ROR2: variants seen among roughly 807,000 people sequenced by gnomAD.
ROR2 encodes tyrosine-protein kinase transmembrane receptor ROR2.
In ROR2, 33 loss-of-function variants were observed where a neutral mutation model predicts 74.9. That is an observed-to-expected ratio of 0.44 (90% CI 0.33 to 0.59). The LOEUF (loss-of-function observed/expected upper bound fraction) is 0.59, where lower values mean the gene tolerates loss of function less well. Among genes scored for constraint, ROR2 ranks in the 20% least tolerant of loss-of-function variants. The pLI is 0.02. For missense variants in ROR2, 1,216 were observed against 1,313.8 expected, an observed-to-expected ratio of 0.93 and a Z score of 1.15; for synonymous variants, 586 against 558.7, an observed-to-expected ratio of 1.05 and a Z score of -0.69.
chr9:91,813,658 G>A (rs1160110983), intron 1 of ROR2, among the ~76,000 whole-genome samples: 1 of 152,204 alleles, frequency 6.6e-6, no homozygotes, highest in Non-Finnish European at 1.5e-5. Flanking sequence ...ACCCAGAGCA[G>A]CTTCTGGAAG....
intron 1 of ROR2, among the ~76,000 whole-genome samples, chr9:91,867,660 G>C (rs973130338): frequency 6.3e-4 from 71 of 113,010 alleles, no homozygotes; most frequent in African/African-American, 9.3e-4. Flanking sequence ...CATGAGCTGT[G>C]TGTGTGTGTG....
chr9:91,756,331 CCTT>C (rs2118840797), intron 3 of ROR2, among the ~76,000 whole-genome samples: 1 of 152,308 alleles, frequency 6.6e-6, no homozygotes, highest in East Asian at 1.9e-4. Context: ...TTTTTGCTGT[CCTT>C]ACTCTCTCTC....
chr9:91,874,677 C>A (rs1284658545), intron 1 of ROR2, among the ~76,000 whole-genome samples: 1 of 152,166 alleles, frequency 6.6e-6, no homozygotes, highest in Non-Finnish European at 1.5e-5. Flanking sequence ...GTGGCTCACA[C>A]CTGCAATCCC....
intron 1 of ROR2, among the ~76,000 whole-genome samples, chr9:91,788,779 G>A (rs186697230): frequency 6.6e-5 from 10 of 151,250 alleles, no homozygotes; most frequent in East Asian, 2.0e-4. Flanking sequence ...GTGGAGAATC[G>A]CTTGAACCTG....
intron 4 of ROR2, among the ~76,000 whole-genome samples, chr9:91,750,152 T>C (rs1310604327): frequency 6.6e-6 from 1 of 152,350 alleles, no homozygotes; most frequent in East Asian, 1.9e-4. Context: ...TCCACCCGCC[T>C]TGGCCTCCCA....
Position 91,819,787 on chromosome 9 carries a change from T to C in ROR2, c.98-43969A>G, listed in dbSNP as rs540302558. ...TGTCTCAGTGTTCTGTGTGTATGTC[T>C]GTGTCTTTGTTCTGTGTGTGCCTGT... On this transcript the variant is annotated intron_variant, in intron 1 of 8. Coordinates refer to ENST00000375708, the MANE Select transcript of ROR2 (RefSeq NM_004560.4). 4.2e-4 allele frequency among the ~76,000 whole-genome samples: 64 copies of C among 151,082 alleles called. 2 individuals carry two copies. Among genetic ancestry groups the C allele is most frequent in the African/African-American group, 1.2e-3 (50 of 41,094 alleles).
At chr9:91,916,875 C>A (rs1054109719) in intron 1 of ROR2, among the ~76,000 whole-genome samples, 1 of 152,154 alleles carries the variant, frequency 6.6e-6, no homozygotes, top group South Asian at 2.1e-4. Flanking sequence ...TAGAAAGATT[C>A]TCTCAAGAGC....
intron 1 of ROR2, among the ~76,000 whole-genome samples, chr9:91,828,488 T>C (rs12376539): frequency 0.39 from 58,894 of 152,062 alleles, 12,934 homozygotes; most frequent in African/African-American, 0.58. Flanking sequence ...CCGAAGTGGG[T>C]GGATTACTCG....
intron 1 of ROR2, among the ~76,000 whole-genome samples, chr9:91,782,849 G>A (rs1826670189): frequency 6.6e-6 from 1 of 152,212 alleles, no homozygotes; most frequent in Non-Finnish European, 1.5e-5. Flanking sequence ...TCAAACAGGG[G>A]TAAATGTCTG....
At chr9:91,811,354 G>A (rs569807323) in intron 1 of ROR2, among the ~76,000 whole-genome samples, 5 of 152,244 alleles carry the variant, frequency 3.3e-5, no homozygotes, top group South Asian at 2.1e-4. Flanking sequence ...CATTCGGCCC[G>A]TGTGGAAAGC....
chr9:91,813,147 G>A (rs184794959), intron 1 of ROR2, among the ~76,000 whole-genome samples: 3 of 152,204 alleles, frequency 2.0e-5, no homozygotes, highest in Non-Finnish European at 4.4e-5. Context: ...TCTGGCAGGT[G>A]CTGCCCCCTC....
chr9:91,786,326 A>G (rs1188042117), intron 1 of ROR2, among the ~76,000 whole-genome samples: 1 of 90,692 alleles, frequency 1.1e-5, no homozygotes, highest in Non-Finnish European at 2.0e-5. Context: ...GACTCTGTCA[A>G]TCAATCAATC....
intron 4 of ROR2, among the ~76,000 whole-genome samples, chr9:91,748,228 CTG>C (rs1452618212): frequency 6.6e-6 from 1 of 151,858 alleles, no homozygotes; most frequent in Non-Finnish European, 1.5e-5. Context: ...TGAGCCAAGA[CTG>C]TGCACTGCTG....
intron 1 of ROR2, among the ~76,000 whole-genome samples, chr9:91,794,656 G>C (rs1216648053): frequency 6.6e-6 from 1 of 151,652 alleles, no homozygotes; most frequent in Non-Finnish European, 1.5e-5. Flanking sequence ...GCGTGATCTT[G>C]GCTCACTGCA....
chr9:91,937,408 C>T (rs147570507), intron 1 of ROR2, among the ~76,000 whole-genome samples: 1 of 152,248 alleles, frequency 6.6e-6, no homozygotes, highest in African/African-American at 2.4e-5. Context: ...ACTCCCATTT[C>T]TCTAACAGCT....
At chr9:91,761,324 T>G (rs1416425273) in intron 2 of ROR2, among the ~76,000 whole-genome samples, 1 of 152,168 alleles carries the variant, frequency 6.6e-6, no homozygotes, top group Non-Finnish European at 1.5e-5. Context: ...AGCATTACAT[T>G]TATTGTGCAC....
At position 91,757,503 on chromosome 9, in the gene ROR2, T is replaced by C; in HGVS notation, c.232A>G (p.Thr78Ala). Residue 78 changes from threonine (T) to alanine (A), a missense_variant, in exon 3 of 9, where the codon ACG (threonine) becomes GCG (alanine). Physicochemically the swap from Thr to Ala is moderately conservative, Grantham distance 58. Coordinates refer to ENST00000375708, the MANE Select transcript of ROR2 (RefSeq NM_004560.4). ...GCCACCTTGCAGTGCAGAATTGCCG[T>C]CTGGCCTTGGACAATGGTGATATTG... The part of the protein sequence containing the change: ...VNNITIVQGQ[T>A]AILHCKVAGN... 2 of 1,613,738 alleles carry C rather than the reference T, an allele frequency of 1.2e-6. No individual in the cohort carries two copies. The highest frequency in any genetic ancestry group is 1.7e-6 in the Non-Finnish European group (2 of 1,179,980).
At chr9:91,859,193 ATTCCTTTTT>A (rs1433531052) in intron 1 of ROR2, among the ~76,000 whole-genome samples, 5 of 121,742 alleles carry the variant, frequency 4.1e-5, no homozygotes, top group African/African-American at 1.9e-4. Flanking sequence ...ATCTGAAAGT[ATTCCTTTTT>A]TTTTTTTTTT....
intron 4 of ROR2, among the ~76,000 whole-genome samples, chr9:91,746,050 G>A (rs1028323625): frequency 3.9e-5 from 6 of 151,984 alleles, no homozygotes; most frequent in Non-Finnish European, 8.8e-5. Flanking sequence ...CAGCAATAAG[G>A]TGGCTTGGTT....
Sources: allele counts gnomAD v4.1 joint callset (sites outside exome capture counted in the v4.1 genomes callset), GRCh38; gene constraint gnomAD v4.1.1; transcripts MANE v1.5; gene names NCBI Gene and HGNC (gene_info 2026-07-23, HGNC 2026-07-21).